LRIF1: variants seen among roughly 807,000 people sequenced by gnomAD.
The protein encoded by LRIF1 is ligand-dependent nuclear receptor-interacting factor 1.
Under a neutral mutation model 52.7 loss-of-function variants are expected in LRIF1, and 32 were observed. The observed-to-expected ratio is 0.61, with a 90% CI of 0.46 to 0.82. The LOEUF (loss-of-function observed/expected upper bound fraction) is 0.82. Among genes scored for constraint, LRIF1 ranks in the 40% least tolerant of loss-of-function variants. LRIF1 has a pLI of 0.00. For missense variants in LRIF1, 887 were observed against 892.0 expected (o/e 0.99, Z 0.07); for synonymous variants, 323 against 317.4 (o/e 1.02, Z -0.19).
chr1:110,888,034 G>C, the LRIF1 span, among the ~76,000 whole-genome samples: 1 of 152,194 alleles, frequency 6.6e-6, no homozygotes, highest in Non-Finnish European at 1.5e-5. Context: ...AGTAGCAGAT[G>C]TGATGACAAA....
chr1:110,944,728 C>A (rs1175103295), downstream of LRIF1: 1 of 152,098 alleles, frequency 6.6e-6, no homozygotes, highest in African/African-American at 2.4e-5. Flanking sequence ...AAAAACAAAA[C>A]CACTCACTTA....
At chr1:110,948,590 A>C (rs1198600719) in intron 3 of LRIF1, among the ~76,000 whole-genome samples, 191 bp from the exon 4 acceptor site, 1 of 152,258 alleles carries the variant, frequency 6.6e-6, no homozygotes, top group African/African-American at 2.4e-5. Context: ...AATCATATTC[A>C]GTAAGAAGAA....
At chr1:110,908,710 A>G in the LRIF1 span, among the ~76,000 whole-genome samples, 1 of 152,222 alleles carries the variant, frequency 6.6e-6, no homozygotes, top group Non-Finnish European at 1.5e-5. Flanking sequence ...AATTTTAAGA[A>G]AATGAACAAA....
the LRIF1 span, among the ~76,000 whole-genome samples, chr1:110,881,945 C>T: frequency 6.6e-6 from 1 of 152,110 alleles, no homozygotes; most frequent in South Asian, 2.1e-4. Flanking sequence ...GATCTTTTGC[C>T]CATTTTAAAA....
chr1:110,934,712 C>T, the LRIF1 span, among the ~76,000 whole-genome samples: 5 of 152,180 alleles, frequency 3.3e-5, no homozygotes, highest in East Asian at 3.9e-4. Flanking sequence ...AGGTTTTTTA[C>T]CCTAGTCCCT....
At chr1:110,955,593 T>C (rs1392638483) in intron 1 of LRIF1, among the ~76,000 whole-genome samples, 2 of 152,148 alleles carry the variant, frequency 1.3e-5, no homozygotes, top group African/African-American at 4.8e-5. Context: ...CCAAATAGGA[T>C]AAGGATTAAA....
the LRIF1 span, among the ~76,000 whole-genome samples, chr1:110,924,195 T>C: frequency 6.6e-6 from 1 of 152,128 alleles, no homozygotes; most frequent in African/African-American, 2.4e-5. Context: ...ACTAGTCCAA[T>C]AGCCATTTAC....
At chr1:110,943,850 G>A (rs1357484309), downstream of LRIF1, 1 of 152,118 alleles carries the variant, frequency 6.6e-6, no homozygotes, top group Non-Finnish European at 1.5e-5. Context: ...CATCATCTTT[G>A]AGGCAAAAAT....
rs1432815241 is a variant in LRIF1 at position 110,951,788 on chromosome 1, G to C, written c.1096C>G (p.Leu366Val). 6.2e-7 allele frequency: 1 copy of C among 1,612,366 alleles called. No homozygotes were observed. Among genetic ancestry groups the C allele is most frequent in the East Asian group, 2.2e-5 (1 of 44,878 alleles). ...ACATCTGTCCCCTTTTTAGCCAACA[G>C]ATAGACTTTCCCATTAAACATAACC... ...ALVMFNGKVY[L>V]LAKKGTDVLP... is the part of the protein sequence containing the mutation. Residue 366 changes from leucine (L) to valine (V), a missense_variant, in exon 2 of 4, where the codon CTG becomes GTG. Physicochemically the swap from Leu to Val is conservative, Grantham distance 32. Transcript: ENST00000369763.
intron 1 of LRIF1, among the ~76,000 whole-genome samples, chr1:110,957,913 TTTC>T (rs567485289): frequency 7.1e-4 from 108 of 152,352 alleles, no homozygotes; most frequent in Non-Finnish European, 1.4e-3. Context: ...CCATCTTTTC[TTTC>T]TTCATCATTG....
intron 2 of LRIF1, 98 bp from the exon 3 acceptor site, chr1:110,950,221 AT>A: frequency 7.2e-7 from 1 of 1,382,528 alleles, no homozygotes; most frequent in Non-Finnish European, 9.7e-7. Flanking sequence ...ATAAAAGAAC[AT>A]ATCATGCTTT....
At chr1:110,910,272 T>A in the LRIF1 span, among the ~76,000 whole-genome samples, 1 of 148,186 alleles carries the variant, frequency 6.7e-6, no homozygotes, top group Non-Finnish European at 1.5e-5. Flanking sequence ...CAACCACACA[T>A]TCGGTCTTAA....
intron 1 of LRIF1, among the ~76,000 whole-genome samples, chr1:110,961,543 A>G (rs1005539399): frequency 1.3e-5 from 2 of 152,208 alleles, no homozygotes; most frequent in African/African-American, 4.8e-5. Flanking sequence ...TGGGTTTTAC[A>G]TGTGATGTTC....
chr1:110,877,866 TACAGCGATA>T, the LRIF1 span, among the ~76,000 whole-genome samples: 8 of 152,368 alleles, frequency 5.3e-5, no homozygotes, highest in East Asian at 1.3e-3. Flanking sequence ...CAAAAGGACG[TACAGCGATA>T]ACTTTGATTG....
chr1:110,896,361 AG>A, the LRIF1 span, among the ~76,000 whole-genome samples: 3 of 152,212 alleles, frequency 2.0e-5, no homozygotes, highest in African/African-American at 7.2e-5. Context: ...TGGTGGGTCC[AG>A]GGGTGGTCAG....
At chr1:110,946,713 G>A (rs1231101578), downstream of LRIF1, among the ~76,000 whole-genome samples, 1 of 131,784 alleles carries the variant, frequency 7.6e-6, no homozygotes, top group African/African-American at 2.9e-5. Flanking sequence ...CTGTAGTGCA[G>A]TAGTGGCACA....
chr1:110,944,142 G>A (rs1658148434), downstream of LRIF1: 2 of 152,240 alleles, frequency 1.3e-5, no homozygotes, highest in South Asian at 4.1e-4. Flanking sequence ...CAGGGCTGAT[G>A]ATAGCACTGA....
At position 110,959,027 on chromosome 1, in the gene LRIF1, C is replaced by T. The variant is rs1032802451; in HGVS notation, c.68+4594G>A. Among the ~76,000 whole-genome samples, 6 of 152,190 alleles carry T rather than the reference C, an allele frequency of 3.9e-5. No individual in the cohort carries two copies. The South Asian group carries it at 1.2e-3, about 32-fold the overall frequency. ...ATTGAAGAGATTAAATAATTAAAGT[C>T]CTACAAAGATTCTGTTTTCTGAAAG... On this transcript the variant is annotated intron_variant, in intron 1 of 3. Coordinates refer to ENST00000369763, the MANE Select transcript of LRIF1 (RefSeq NM_018372.4).
the LRIF1 span, among the ~76,000 whole-genome samples, chr1:110,925,411 C>G: frequency 2.3e-5 from 2 of 87,834 alleles, no homozygotes; most frequent in African/African-American, 6.0e-5. Flanking sequence ...TTCTTAAAAT[C>G]TTTCTCTCTC....
Sources: allele counts gnomAD v4.1 joint callset (sites outside exome capture counted in the v4.1 genomes callset), GRCh38; gene constraint gnomAD v4.1.1; transcripts MANE v1.5; gene names NCBI Gene and HGNC (gene_info 2026-07-23, HGNC 2026-07-21).